The following HERC1 variants were observed in gnomAD, a reference collection of about 807,000 sequenced individuals.
HERC1 encodes probable E3 ubiquitin-protein ligase HERC1.
In HERC1, 160 loss-of-function variants were observed where a neutral mutation model predicts 554.3. The ratio of observed to expected loss-of-function variants is 0.29; its 90% CI spans 0.25 to 0.33. The LOEUF (loss-of-function observed/expected upper bound fraction) is 0.33. Among genes scored for constraint, HERC1 ranks in the 10% least tolerant of loss-of-function variants. The pLI, the probability that HERC1 is intolerant of heterozygous loss-of-function variation, is 1.00. For synonymous variants in HERC1, 2,175 were observed against 2,131.7 expected, an observed-to-expected ratio of 1.02 and a Z score of -0.56; for missense variants, 4,919 against 5,918.5, an observed-to-expected ratio of 0.83 and a Z score of 5.54.
intron 1 of HERC1, among the ~76,000 whole-genome samples, chr15:63,813,356 G>C (rs948433527): frequency 7.0e-6 from 1 of 143,046 alleles, no homozygotes; most frequent in African/African-American, 2.7e-5. Context: ...ACACAAACTC[G>C]TAAGTACACA....
chr15:63,829,515 T>C (rs1242986550), intron 1 of HERC1, among the ~76,000 whole-genome samples: 6 of 102,330 alleles, frequency 5.9e-5, no homozygotes, highest in African/African-American at 1.2e-4. Flanking sequence ...CACACACATA[T>C]ATAAATAATA....
intron 2 of HERC1, among the ~76,000 whole-genome samples, chr15:63,773,951 T>G (rs2076035103): frequency 6.6e-6 from 1 of 152,368 alleles, no homozygotes; most frequent in East Asian, 1.9e-4. Flanking sequence ...TTATTATTTA[T>G]TCTTTAATGT....
chr15:63,757,424 G>A (rs148543977), intron 4 of HERC1, among the ~76,000 whole-genome samples: 13 of 151,956 alleles, frequency 8.6e-5, no homozygotes, highest in African/African-American at 2.9e-4. Context: ...CATCATGCCC[G>A]GCTAATTTTT....
At chr15:63,753,402 C>T (rs1449406186) in intron 7 of HERC1, among the ~76,000 whole-genome samples, 1 of 151,958 alleles carries the variant, frequency 6.6e-6, no homozygotes, top group Non-Finnish European at 1.5e-5. Context: ...TTCAAATTTG[C>T]TGACAAAATA....
chr15:63,763,228 G>A (rs931089620), intron 3 of HERC1, among the ~76,000 whole-genome samples: 82 of 152,122 alleles, frequency 5.4e-4, no homozygotes, highest in African/African-American at 1.9e-3. Context: ...AAAAAGAAAC[G>A]ATAGAATTAG....
At chr15:63,822,522 G>A (rs2077737809) in intron 1 of HERC1, among the ~76,000 whole-genome samples, 2 of 151,910 alleles carry the variant, frequency 1.3e-5, no homozygotes, top group East Asian at 3.9e-4. Flanking sequence ...GGAGGCAGAG[G>A]TTGCAGTGAG....
chr15:63,608,995 A>G lies in HERC1; in HGVS notation c.*86T>C, dbSNP rs2067478160. Reference sequence around the variant, plus strand: ...GTTGGTTTATGTTCTTATAACATCTATGTAGTTACCATAAAAGTATATCAA... The same window carrying G: ...GTTGGTTTATGTTCTTATAACATCTGTGTAGTTACCATAAAAGTATATCAA... On this transcript the variant is annotated 3_prime_UTR_variant, in exon 78 of 78. Coordinates refer to ENST00000443617, the MANE Select transcript of HERC1 (RefSeq NM_003922.4). 5 of 1,204,638 alleles carry G rather than the reference A, an allele frequency of 4.2e-6. No homozygotes were observed. The highest frequency in any genetic ancestry group is 1.6e-5 in the South Asian group (1 of 63,616). 74.6% of individuals were successfully genotyped at this position (1,204,638 alleles called of 1,614,324 possible). A position where few individuals can be genotyped will look rare whatever the true frequency, so the allele number is the denominator to read the frequency against.
chr15:63,734,611 C>G lies in HERC1; in HGVS notation c.2646+113G>C, dbSNP rs1204213986. 1.2e-6 allele frequency: 1 copy of G among 805,378 alleles called. No individual in the cohort carries two copies. The highest frequency in any genetic ancestry group is 1.9e-6 in the Non-Finnish European group (1 of 531,834). 49.9% of individuals were successfully genotyped at this position (805,378 alleles called of 1,614,324 possible). A position where few individuals can be genotyped will look rare whatever the true frequency, so the allele number is the denominator to read the frequency against. On this transcript the variant is annotated intron_variant, in intron 13 of 77. Coordinates refer to ENST00000443617, the MANE Select transcript of HERC1 (RefSeq NM_003922.4). This position sits in a 1 kb window ranked among gnomAD's most constrained non-coding sequence, Gnocchi z 4.6. Reference sequence around the variant, plus strand: ...GAATTCTTCCAGCACAACACATTAACCCATCAAGTACTTATGCTCCAAGAA... The same window carrying G: ...GAATTCTTCCAGCACAACACATTAAGCCATCAAGTACTTATGCTCCAAGAA...
chr15:63,645,549 A>G lies in HERC1; in HGVS notation c.11012T>C (p.Ile3671Thr). 1.2e-6 allele frequency: 2 copies of G among 1,613,594 alleles called. No homozygotes were observed. ...CCLHSLCHPSIVNGIAWCRLP... is the reference protein window; with the variant it reads ...CCLHSLCHPSTVNGIAWCRLP... Reference sequence around the variant, plus strand: ...GCGGCACCAAGCAATGCCATTTACAATAGATGGATGGCAGAGTGAATGTAG... The same window carrying G: ...GCGGCACCAAGCAATGCCATTTACAGTAGATGGATGGCAGAGTGAATGTAG... The change falls in exon 56 of 78, where the codon ATT becomes ACT. Residue 3671 changes from isoleucine (I) to threonine (T), a missense_variant. Around this residue, in one of 11 missense-constraint regions of HERC1, gnomAD observed 1,963 missense variants for 2,228.6 expected, o/e 0.88. Coordinates refer to ENST00000443617, the MANE Select transcript of HERC1 (RefSeq NM_003922.4).
chr15:63,654,443 A>AC (rs1331118077), intron 50 of HERC1, 119 bp from the exon 51 acceptor site: 2 of 700,936 alleles, frequency 2.9e-6, no homozygotes, highest in Non-Finnish European at 4.7e-6. Context: ...AAATGGGTTA[A>AC]CCCATATCTT....
intron 1 of HERC1, among the ~76,000 whole-genome samples, chr15:63,807,204 T>C (rs752873931): frequency 6.6e-6 from 1 of 152,176 alleles, no homozygotes; most frequent in Non-Finnish European, 1.5e-5. Context: ...ATCAAGCCTA[T>C]TCTCTACCCT....
chr15:63,711,311 T>C (rs1318998464), intron 24 of HERC1, among the ~76,000 whole-genome samples: 3 of 139,066 alleles, frequency 2.2e-5, no homozygotes, highest in African/African-American at 2.5e-5. Context: ...TAATATCCTG[T>C]CTCAAAAAAA....
chr15:63,829,885 T>G (rs909263658), intron 1 of HERC1, among the ~76,000 whole-genome samples: 2 of 151,652 alleles, frequency 1.3e-5, no homozygotes, highest in Non-Finnish European at 2.9e-5. Context: ...AAATAAATAA[T>G]GATAGTATTG....
Position 63,674,332 on chromosome 15 carries a change from G to T in HERC1, c.7846+10C>A. ...ACAAAAGCAAAAAAAAAAAAAATCAGATAACATACCTTGCTTAATTTTGCC... is the reference window on the plus strand; with the variant it reads ...ACAAAAGCAAAAAAAAAAAAAATCATATAACATACCTTGCTTAATTTTGCC... On this transcript the variant is annotated intron_variant, in intron 38 of 77. Coordinates refer to ENST00000443617, the MANE Select transcript of HERC1 (RefSeq NM_003922.4). The T allele has an allele frequency of 6.5e-7, 1 of 1,543,474 alleles. No individual in the cohort carries two copies. Among genetic ancestry groups the T allele is most frequent in the South Asian group, 1.2e-5 (1 of 81,178 alleles).
intron 3 of HERC1, among the ~76,000 whole-genome samples, chr15:63,762,978 C>T (rs2075659196): frequency 6.6e-6 from 1 of 152,200 alleles, no homozygotes; most frequent in Non-Finnish European, 1.5e-5. Context: ...TAAACCATCA[C>T]AGCTGTAGAC....
chr15:63,716,422 T>A lies in HERC1; in HGVS notation c.4030A>T (p.Thr1344Ser). ...ADVDPQEHSF[T>S]RTIDEEAEME... The stretch of plus-strand genomic sequence containing the variant: ...TCAGCTTCTTCATCAATAGTTCGAG[T>A]AAATGAATGCTCCTGAGGATCAACA... Residue 1344 changes from threonine to serine, a missense_variant, in exon 22 of 78, where the codon ACT becomes TCT. By Grantham distance (58) the Thr-to-Ser change is moderately conservative (BLOSUM62 1). Around this residue, in one of 11 missense-constraint regions of HERC1, gnomAD observed 1,121 missense variants for 1,244.0 expected, o/e 0.90. Transcript: ENST00000443617. The A allele has an allele frequency of 1.2e-6, 2 of 1,613,854 alleles. No homozygotes were observed. Among genetic ancestry groups the A allele is most frequent in the Non-Finnish European group, 1.7e-6 (2 of 1,179,784 alleles).
Position 63,630,563 on chromosome 15 carries a change from C to T in HERC1, c.12869G>A (p.Gly4290Glu), listed in dbSNP as rs748059385. The stretch of plus-strand genomic sequence containing the variant: ...AACTGCCACATCTTCTATGATTACT[C>T]CAGCCAGGACAGGGATTTGTTGCGG... ...NRPQQIPVLAGVIIEDVAVGA... is the reference protein window; with the variant it reads ...NRPQQIPVLAEVIIEDVAVGA... Residue 4290 changes from glycine (G) to glutamate (E), a missense_variant, in exon 69 of 78, where the codon GGA becomes GAA. By Grantham distance (98) the Gly-to-Glu change is moderately conservative. Around this residue, in one of 11 missense-constraint regions of HERC1, gnomAD observed 410 missense variants for 467.0 expected, o/e 0.88. Transcript: ENST00000443617. 4 of 1,614,090 alleles carry T rather than the reference C, an allele frequency of 2.5e-6. No homozygotes were observed. The highest frequency in any genetic ancestry group is 3.4e-6 in the Non-Finnish European group (4 of 1,179,898).
At chr15:63,649,089 T>A (rs2069514706) in intron 54 of HERC1, among the ~76,000 whole-genome samples, 1 of 152,188 alleles carries the variant, frequency 6.6e-6, no homozygotes, top group South Asian at 2.1e-4. Context: ...GCACGGTGGC[T>A]CACGCCTGTA....
intron 12 of HERC1, among the ~76,000 whole-genome samples, chr15:63,737,540 TATATATATC>T (rs1166712042): frequency 1.6e-4 from 20 of 125,342 alleles, no homozygotes; most frequent in Non-Finnish European, 1.9e-4. Context: ...TATATATATA[TATATATATC>T]TTTTTTTTTT....
Sources: gnomAD v4.1 joint callset for allele counts (sites outside exome capture counted in the v4.1 genomes callset) on GRCh38, gnomAD v4.1.1 for gene constraint, gnomAD v4.1.1 regional missense constraint, Gnocchi (gnomAD v3.1) non-coding constraint, MANE v1.5 for transcripts, NCBI Gene and HGNC (gene_info 2026-07-23, HGNC 2026-07-21) for gene names.